Variants in RIMS2 observed in about 807,000 individuals in gnomAD.
RIMS2 encodes the protein regulating synaptic membrane exocytosis protein 2.
Under a neutral mutation model 174.4 loss-of-function variants are expected in RIMS2, and 59 were observed. The ratio of observed to expected loss-of-function variants is 0.34; its 90% CI spans 0.27 to 0.42. The LOEUF (loss-of-function observed/expected upper bound fraction) is 0.42, where lower values mean the gene tolerates loss of function less well. RIMS2 is among the 10% of genes least tolerant of loss of function. The pLI is 1.00. For missense variants in RIMS2, 1,620 were observed against 1,666.3 expected (o/e 0.97, Z 0.48); for synonymous variants, 606 against 572.5 (o/e 1.06, Z -0.84).
chr8:104,223,846 T>C, intron 19 of RIMS2: 1 of 1,485,828 alleles, frequency 6.7e-7, no homozygotes. Flanking sequence ...AGAAAGTCGG[T>C]GGCTGGAGGG....
At chr8:103,635,429 G>A (rs961242414) in intron 1 of RIMS2, among the ~76,000 whole-genome samples, 4 of 151,920 alleles carry the variant, frequency 2.6e-5, no homozygotes, top group African/African-American at 7.3e-5. Flanking sequence ...GAGGAGATAT[G>A]GGAATGGGCA....
At chr8:103,627,275 C>T (rs2095809076) in intron 1 of RIMS2, among the ~76,000 whole-genome samples, 1 of 152,186 alleles carries the variant, frequency 6.6e-6, no homozygotes, top group Admixed American at 6.5e-5. Flanking sequence ...TTCTGCCCGA[C>T]CCCGCAGGCA....
intron 9 of RIMS2, among the ~76,000 whole-genome samples, chr8:103,921,188 T>C (rs907015877): frequency 6.6e-6 from 1 of 152,204 alleles, no homozygotes. Flanking sequence ...TATTCCTTTT[T>C]TTCATGCCCC....
chr8:103,909,405 TTGTC>T (rs1287782271), intron 4 of RIMS2, among the ~76,000 whole-genome samples: 2 of 152,108 alleles, frequency 1.3e-5, no homozygotes, highest in Non-Finnish European at 2.9e-5. Context: ...ATTACATAAA[TTGTC>T]TGACAAAATT....
intron 2 of RIMS2, among the ~76,000 whole-genome samples, chr8:103,740,376 A>G (rs1476002079): frequency 6.6e-6 from 1 of 152,202 alleles, no homozygotes; most frequent in African/African-American, 2.4e-5. Context: ...CAGATGGTAG[A>G]GAAGGGAAGA....
chr8:103,684,485 C>T (rs777843167), intron 1 of RIMS2, among the ~76,000 whole-genome samples: 17 of 152,000 alleles, frequency 1.1e-4, no homozygotes, highest in Non-Finnish European at 2.2e-4. Context: ...TACTGGAACA[C>T]AGCTACACTC....
intron 19 of RIMS2, chr8:104,015,318 A>T: frequency 5.2e-6 from 3 of 577,522 alleles, no homozygotes; most frequent in Non-Finnish European, 6.1e-6. Context: ...TAGATAATAC[A>T]TTCTGTGCTT....
chr8:103,772,085 T>C (rs1167230072), intron 3 of RIMS2, among the ~76,000 whole-genome samples: 1 of 152,042 alleles, frequency 6.6e-6, no homozygotes, highest in Non-Finnish European at 1.5e-5. Context: ...ACATTGATTA[T>C]TTAAAAATAA....
At chr8:103,933,955 A>G (rs1332977119) in intron 12 of RIMS2, among the ~76,000 whole-genome samples, 1 of 152,190 alleles carries the variant, frequency 6.6e-6, no homozygotes, top group East Asian at 1.9e-4. Context: ...GGGAGACTAC[A>G]TAGAAGAAAT....
intron 19 of RIMS2, among the ~76,000 whole-genome samples, chr8:104,016,620 G>GA (rs898995357): frequency 4.6e-5 from 7 of 152,014 alleles, no homozygotes; most frequent in African/African-American, 1.7e-4. Flanking sequence ...TTTTCCTAAG[G>GA]AAAGTTTAGT....
chr8:103,608,077 C>T (rs1486047011), intron 1 of RIMS2, among the ~76,000 whole-genome samples: 1 of 149,980 alleles, frequency 6.7e-6, no homozygotes, highest in Non-Finnish European at 1.5e-5. Flanking sequence ...GAGAGGCGCT[C>T]TGCTTTTTAA....
intron 3 of RIMS2, among the ~76,000 whole-genome samples, chr8:103,788,949 C>T (rs1363207311): frequency 1.3e-5 from 2 of 152,232 alleles, no homozygotes; most frequent in Admixed American, 6.5e-5. Flanking sequence ...ACCCTCTGAG[C>T]CAGGTGCGGG....
intron 1 of RIMS2, among the ~76,000 whole-genome samples, chr8:103,587,424 G>C (rs2093994454): frequency 9.0e-6 from 1 of 110,844 alleles, no homozygotes; most frequent in Non-Finnish European, 1.9e-5. Flanking sequence ...AAGAAAGAAA[G>C]AAAGAAAGAA....
chr8:103,508,888 C>G (rs373785257), intron 1 of RIMS2, among the ~76,000 whole-genome samples: 1 of 151,956 alleles, frequency 6.6e-6, no homozygotes, highest in South Asian at 2.1e-4. Flanking sequence ...TGTTAAGGGT[C>G]AGGTAAACTC....
chr8:103,908,468 C>A (rs911492921), intron 4 of RIMS2, among the ~76,000 whole-genome samples: 6 of 152,080 alleles, frequency 3.9e-5, no homozygotes, highest in African/African-American at 1.4e-4. Flanking sequence ...CATTTTATAT[C>A]CTGAAAGTTA....
At chr8:103,674,662 A>G (rs1287741578) in intron 1 of RIMS2, among the ~76,000 whole-genome samples, 1 of 152,008 alleles carries the variant, frequency 6.6e-6, no homozygotes, top group Admixed American at 6.6e-5. Context: ...TTTTTCCTAT[A>G]TCTAGTAGTT....
chr8:104,158,647 A>C (rs1382147696), intron 19 of RIMS2, among the ~76,000 whole-genome samples: 1 of 152,204 alleles, frequency 6.6e-6, no homozygotes, highest in Non-Finnish European at 1.5e-5. Context: ...TCTGATGACC[A>C]GTGATGATGA....
intron 2 of RIMS2, among the ~76,000 whole-genome samples, chr8:103,721,460 A>G (rs1224525229): frequency 6.6e-6 from 1 of 152,190 alleles, no homozygotes. Context: ...GACAACTGAA[A>G]ATATTAATAA....
chr8:104,105,767 G>A (rs961468375), intron 19 of RIMS2, among the ~76,000 whole-genome samples: 1 of 151,972 alleles, frequency 6.6e-6, no homozygotes, highest in Non-Finnish European at 1.5e-5. Context: ...GGCTGGGCAT[G>A]GTGGCTCACA....
Sources: allele counts gnomAD v4.1 joint callset (sites outside exome capture counted in the v4.1 genomes callset), GRCh38; gene constraint gnomAD v4.1.1; transcripts MANE v1.5; gene names NCBI Gene and HGNC (gene_info 2026-07-23, HGNC 2026-07-21).